The following EVC2 variants were observed in gnomAD, a reference collection of about 807,000 sequenced individuals.
EVC2 encodes the protein EvC ciliary complex subunit 2.
In EVC2, 148 loss-of-function variants were observed where a neutral mutation model predicts 149.3. The ratio of observed to expected loss-of-function variants is 0.99; its 90% CI spans 0.87 to 1.14. EVC2 has a LOEUF of 1.14. Among genes scored for constraint, EVC2 ranks in the 50% most tolerant of loss-of-function variants. EVC2 has a pLI of 0.00. For missense variants in EVC2, 1,854 were observed against 1,627.3 expected (o/e 1.14, Z -2.40); for synonymous variants, 776 against 649.9 (o/e 1.19, Z -2.95).
At chr4:5,694,291 C>G in intron 3 of EVC2, 44 bp downstream of exon 3, 1 of 1,608,048 alleles carries the variant, frequency 6.2e-7, no homozygotes, top group Non-Finnish European at 8.5e-7. Flanking sequence ...TGGTTTATTT[C>G]CAACTTCTGG....
In EVC2 at chr4:5,584,861, A is replaced by G. The variant is rs1443006449; in HGVS notation, c.2830-11T>C. The G allele has an allele frequency of 6.2e-7, 1 of 1,614,050 alleles. No individual in the cohort carries two copies. The highest frequency in any genetic ancestry group is 8.5e-7 in the Non-Finnish European group (1 of 1,179,964). On this transcript the variant is annotated splice_polypyrimidine_tract_variant and intron_variant, in intron 16 of 21. Coordinates refer to ENST00000344408, the MANE Select transcript of EVC2 (RefSeq NM_147127.5). ...CAATTCACCTCGAACCTGGGAGGGG[A>G]CAGGGATGGACCCAAACCCAGAGAG...
intron 21 of EVC2, among the ~76,000 whole-genome samples, chr4:5,553,239 G>T (rs748606853): frequency 2.6e-5 from 4 of 152,164 alleles, no homozygotes; most frequent in Non-Finnish European, 5.9e-5. Context: ...GGAGCAAGTG[G>T]AGTTGGTGGG....
At chr4:5,609,799 G>A (rs532754892) in intron 16 of EVC2, among the ~76,000 whole-genome samples, 5 of 152,320 alleles carry the variant, frequency 3.3e-5, no homozygotes, top group Admixed American at 2.6e-4. Context: ...GAGGTGGTGT[G>A]ACAGTGACAC....
At chr4:5,701,276 C>A (rs1000853104) in intron 1 of EVC2, among the ~76,000 whole-genome samples, 1 of 152,210 alleles carries the variant, frequency 6.6e-6, no homozygotes, top group African/African-American at 2.4e-5. Flanking sequence ...ATCAGATAAA[C>A]CTGAATATAT....
At chr4:5,623,818 T>A (rs1357193935) in intron 13 of EVC2, among the ~76,000 whole-genome samples, 3 of 152,154 alleles carry the variant, frequency 2.0e-5, no homozygotes, top group South Asian at 4.1e-4. Context: ...GCGCCTCCAT[T>A]TCCCTATCTG....
chr4:5,706,378 A>C (rs1480124508), intron 1 of EVC2, among the ~76,000 whole-genome samples: 3 of 73,544 alleles, frequency 4.1e-5, no homozygotes, highest in Admixed American at 1.5e-4. Flanking sequence ...ACATAGATAG[A>C]TACATAGATA....
At chr4:5,631,727 G>C in intron 11 of EVC2, 66 bp downstream of exon 11, 1 of 1,599,084 alleles carries the variant, frequency 6.3e-7, no homozygotes, top group South Asian at 1.1e-5. Context: ...AACTCTGAGA[G>C]AGGAGACATT....
At chr4:5,570,103 A>G (rs1024729343) in intron 19 of EVC2, among the ~76,000 whole-genome samples, 1 of 152,036 alleles carries the variant, frequency 6.6e-6, no homozygotes. Context: ...ATTGGTTTTA[A>G]CCAACTCTGC....
intron 21 of EVC2, among the ~76,000 whole-genome samples, chr4:5,564,680 T>C (rs546524470): frequency 6.6e-6 from 1 of 152,340 alleles, no homozygotes; most frequent in African/African-American, 2.4e-5. Context: ...CAGAAGACAT[T>C]GGACAATGGT....
chr4:5,576,227 G>C lies in EVC2; in HGVS notation c.3272+13C>G. The stretch of plus-strand genomic sequence containing the variant: ...GACTAATATCTTTGAGTGCTACGGG[G>C]CACACGGCATACCACTGCTGATGTT... On this transcript the variant is annotated intron_variant, in intron 18 of 21. Coordinates refer to ENST00000344408, the MANE Select transcript of EVC2 (RefSeq NM_147127.5). The surrounding 1 kb of genome is among the most constrained non-coding windows in gnomAD (Gnocchi z 4.5). 1 of 1,614,134 alleles carries C rather than the reference G, an allele frequency of 6.2e-7. No homozygotes were observed. The highest frequency in any genetic ancestry group is 8.5e-7 in the Non-Finnish European group (1 of 1,180,024).
chr4:5,588,438 T>C (rs1712492685), intron 16 of EVC2, among the ~76,000 whole-genome samples: 1 of 152,204 alleles, frequency 6.6e-6, no homozygotes, highest in Non-Finnish European at 1.5e-5. Context: ...ATAGTTGTCA[T>C]CAAATTAGGC....
At chr4:5,672,443 A>G (rs1380195242) in intron 7 of EVC2, among the ~76,000 whole-genome samples, 2 of 152,216 alleles carry the variant, frequency 1.3e-5, no homozygotes, top group Non-Finnish European at 2.9e-5. Flanking sequence ...GTATGACTTC[A>G]GCCTGGAGGA....
intron 21 of EVC2, among the ~76,000 whole-genome samples, chr4:5,554,368 C>T (rs1262498716): frequency 1.3e-5 from 2 of 152,128 alleles, no homozygotes; most frequent in Admixed American, 1.3e-4. Flanking sequence ...AAAGTAGACT[C>T]GCATAACTTG....
In EVC2 at chr4:5,568,582, CG is replaced by C; in HGVS notation, c.3418del (p.Arg1140AlafsTer4). Reference sequence around the variant, plus strand: ...GGGCAGTACCACACTCAGGAGCCGGCGAAGCGTGGCCCCGGGCACCATGGCC... The same window carrying C: ...GGGCAGTACCACACTCAGGAGCCGGCAAGCGTGGCCCCGGGCACCATGGCC... ...RMAMVPGATL[R>X]RLLSVVLPTA... On this transcript the variant is annotated frameshift_variant, in exon 20 of 22. Transcript: ENST00000344408. LOFTEE classifies it high-confidence loss of function. 6.2e-7 allele frequency: 1 copy of C among 1,607,906 alleles called. No homozygotes were observed. The highest frequency in any genetic ancestry group is 1.1e-5 in the South Asian group (1 of 89,972).
intron 15 of EVC2, among the ~76,000 whole-genome samples, chr4:5,617,015 A>C (rs1488864307): frequency 6.6e-6 from 1 of 152,208 alleles, no homozygotes; most frequent in Non-Finnish European, 1.5e-5. Flanking sequence ...AAAATATTTA[A>C]AATTTTTGAT....
intron 16 of EVC2, among the ~76,000 whole-genome samples, chr4:5,597,142 G>A (rs1356611665): frequency 6.6e-6 from 1 of 152,198 alleles, no homozygotes; most frequent in African/African-American, 2.4e-5. Flanking sequence ...GAGGTAGAAG[G>A]AGGAACTGGT....
downstream of EVC2, among the ~76,000 whole-genome samples, chr4:5,537,968 A>G (rs892176311): frequency 6.6e-6 from 1 of 152,146 alleles, no homozygotes; most frequent in Non-Finnish European, 1.5e-5. Context: ...CAAAACAGAA[A>G]AACAGTATAG....
chr4:5,586,162 T>C (rs1338237286), intron 16 of EVC2, among the ~76,000 whole-genome samples: 1 of 152,182 alleles, frequency 6.6e-6, no homozygotes, highest in Non-Finnish European at 1.5e-5. Flanking sequence ...ATGCCCGACC[T>C]GTCTAGCTGT....
At chr4:5,615,235 G>A (rs1256057095) in intron 16 of EVC2, among the ~76,000 whole-genome samples, 187 bp downstream of exon 16, 1 of 152,196 alleles carries the variant, frequency 6.6e-6, no homozygotes, top group African/African-American at 2.4e-5. Flanking sequence ...CAAACAGAAT[G>A]CACAGGGGAA....
Sources: gnomAD v4.1 joint callset for allele counts (sites outside exome capture counted in the v4.1 genomes callset) on GRCh38, gnomAD v4.1.1 for gene constraint, Gnocchi (gnomAD v3.1) non-coding constraint, MANE v1.5 for transcripts, NCBI Gene and HGNC (gene_info 2026-07-23, HGNC 2026-07-21) for gene names.